The following CALN1 variants were observed in gnomAD, a reference collection of about 807,000 sequenced individuals.
CALN1 encodes calcium-binding protein 8.
A neutral mutation model predicts 30.6 loss-of-function variants in CALN1; 17 were observed. The ratio of observed to expected loss-of-function variants is 0.56; its 90% CI spans 0.38 to 0.83. The LOEUF (loss-of-function observed/expected upper bound fraction) is 0.83, where lower values mean the gene tolerates loss of function less well. CALN1 is among the 40% of genes least tolerant of loss of function. CALN1 has a pLI of 0.00. For synonymous variants in CALN1, 156 were observed against 131.4 expected, an observed-to-expected ratio of 1.19 and a Z score of -1.28; for missense variants, 291 against 354.9, an observed-to-expected ratio of 0.82 and a Z score of 1.45.
intron 3 of CALN1, among the ~76,000 whole-genome samples, chr7:72,193,652 A>G (rs1381465212): frequency 6.6e-6 from 1 of 152,248 alleles, no homozygotes; most frequent in Non-Finnish European, 1.5e-5. Flanking sequence ...TGGATTGAAT[A>G]CTGTAGGCAA....
intron 5 of CALN1, among the ~76,000 whole-genome samples, chr7:71,932,859 G>T (rs1795632553): frequency 6.6e-6 from 1 of 151,732 alleles, no homozygotes; most frequent in South Asian, 2.1e-4. Context: ...AATCTAGGGG[G>T]GTATGGGAAG....
intron 2 of CALN1, among the ~76,000 whole-genome samples, chr7:72,346,338 T>C (rs1802638769): frequency 6.6e-6 from 1 of 152,154 alleles, no homozygotes; most frequent in African/African-American, 2.4e-5. Flanking sequence ...GATAATTATA[T>C]CCATATTTCT....
chr7:72,174,992 A>C (rs1157806377), intron 3 of CALN1, among the ~76,000 whole-genome samples: 2 of 149,282 alleles, frequency 1.3e-5, no homozygotes, highest in Non-Finnish European at 3.0e-5. Flanking sequence ...GTAGTATTAT[A>C]GGTATATACT....
chr7:72,069,544 ATC>A (rs933678283), intron 4 of CALN1, among the ~76,000 whole-genome samples: 23 of 151,984 alleles, frequency 1.5e-4, no homozygotes, highest in Admixed American at 1.4e-3. Flanking sequence ...CACCACTCCA[ATC>A]TCTGCTCCAT....
At chr7:71,972,405 C>G (rs1415911291) in intron 5 of CALN1, among the ~76,000 whole-genome samples, 1 of 152,116 alleles carries the variant, frequency 6.6e-6, no homozygotes, top group South Asian at 2.1e-4. Flanking sequence ...CTTTGGAGGT[C>G]TGATCCATTT....
the CALN1 span, among the ~76,000 whole-genome samples, chr7:72,478,304 AT>A: frequency 1.4e-5 from 2 of 147,772 alleles, no homozygotes; most frequent in East Asian, 3.9e-4. Context: ...AAATAGTTAT[AT>A]TTTATGCAAA....
At chr7:72,195,217 C>T (rs1790903402) in intron 3 of CALN1, among the ~76,000 whole-genome samples, 1 of 152,202 alleles carries the variant, frequency 6.6e-6, no homozygotes, top group South Asian at 2.1e-4. Context: ...CTTTTGAGCC[C>T]TTGCTCCTCT....
chr7:71,960,170 TAAATAAATAAATAAAATAAAATAAA>T (rs1367633175), intron 5 of CALN1, among the ~76,000 whole-genome samples: 12 of 112,200 alleles, frequency 1.1e-4, no homozygotes, highest in African/African-American at 3.2e-4. Flanking sequence ...AATAAATAAA[TAAATAAATAAATAAAATAAAATAAA>T]AAAATAAAAT....
chr7:71,797,748 C>G (rs1787014212), intron 6 of CALN1, among the ~76,000 whole-genome samples: 1 of 152,148 alleles, frequency 6.6e-6, no homozygotes, highest in African/African-American at 2.4e-5. Flanking sequence ...AAGCCCTACC[C>G]CTTGTTCTAA....
chr7:72,153,928 T>G (rs1361997003), intron 3 of CALN1, among the ~76,000 whole-genome samples: 1 of 152,094 alleles, frequency 6.6e-6, no homozygotes, highest in African/African-American at 2.4e-5. Context: ...ACATGAGACT[T>G]TCATTTTTCC....
chr7:72,337,416 TCGCGCGCA>T (rs1172234724), intron 2 of CALN1, among the ~76,000 whole-genome samples: 2 of 27,034 alleles, frequency 7.4e-5, no homozygotes, highest in African/African-American at 2.2e-4. Context: ...GCACTCACAC[TCGCGCGCA>T]CACACACACA....
chr7:72,272,783 G>T (rs1797080127), intron 3 of CALN1, among the ~76,000 whole-genome samples: 1 of 152,016 alleles, frequency 6.6e-6, no homozygotes. Context: ...TGTTTTCCAT[G>T]GGAATCTATT....
At chr7:71,992,996 AT>A (rs1799035587) in intron 5 of CALN1, among the ~76,000 whole-genome samples, 1 of 152,054 alleles carries the variant, frequency 6.6e-6, no homozygotes, top group African/African-American at 2.4e-5. Flanking sequence ...CCCTTCGCTC[AT>A]AAGAAAGAGA....
chr7:72,117,803 C>G (rs931774283), intron 3 of CALN1, among the ~76,000 whole-genome samples: 1 of 151,836 alleles, frequency 6.6e-6, no homozygotes, highest in Non-Finnish European at 1.5e-5. Flanking sequence ...ACTAAAAATA[C>G]AAAAATTAGC....
chr7:72,050,605 T>C (rs1391272452), intron 4 of CALN1, among the ~76,000 whole-genome samples: 5 of 152,178 alleles, frequency 3.3e-5, no homozygotes, highest in South Asian at 2.1e-4. Context: ...AAATGCAAGA[T>C]AGTATCTTTT....
chr7:72,329,260 A>T (rs1190381508), intron 2 of CALN1, among the ~76,000 whole-genome samples: 2 of 152,226 alleles, frequency 1.3e-5, no homozygotes, highest in Non-Finnish European at 2.9e-5. Flanking sequence ...TCCATCTGTT[A>T]CTGTTAAACA....
At chr7:71,885,220 C>T (rs550437996) in intron 5 of CALN1, among the ~76,000 whole-genome samples, 7 of 151,950 alleles carry the variant, frequency 4.6e-5, no homozygotes, top group African/African-American at 1.4e-4. Flanking sequence ...GGTGTGATCT[C>T]GGCTCACTGC....
At chr7:72,121,167 T>A (rs1427103389) in intron 3 of CALN1, among the ~76,000 whole-genome samples, 1 of 144,746 alleles carries the variant, frequency 6.9e-6, no homozygotes, top group Non-Finnish European at 1.5e-5. Flanking sequence ...AAATCTATAT[T>A]ATATATAATT....
At chr7:72,208,378 T>C (rs1220056600) in intron 3 of CALN1, among the ~76,000 whole-genome samples, 1 of 152,228 alleles carries the variant, frequency 6.6e-6, no homozygotes. Context: ...TTGGGTATCA[T>C]TTTTATCACA....
Sources: allele counts gnomAD v4.1 joint callset (sites outside exome capture counted in the v4.1 genomes callset), GRCh38; gene constraint gnomAD v4.1.1; transcripts MANE v1.5; gene names NCBI Gene and HGNC (gene_info 2026-07-23, HGNC 2026-07-21).